GML: variants seen among roughly 807,000 people sequenced by gnomAD.
The protein encoded by GML is glycosylphosphatidylinositol anchored molecule like.
Under a neutral mutation model 8.2 loss-of-function variants are expected in GML, and 5 were observed. The ratio of observed to expected loss-of-function variants is 0.61; its 90% CI spans 0.32 to 1.28. GML has a LOEUF of 1.28. GML is among the 50% of genes most tolerant of loss of function. The pLI, the probability that GML is intolerant of heterozygous loss-of-function variation, is 0.06. For synonymous variants in GML, 72 were observed against 69.0 expected (o/e 1.04, Z -0.22); for missense variants, 191 against 198.3 (o/e 0.96, Z 0.22).
In GML at chr8:142,841,218, C is replaced by T; in HGVS notation, c.174C>T (p.Ile58=). ...ATCATATTAGGCGCTGTATGACAATCTCCATTCGTAAGTACCTCTTTGTCA... is the reference window on the plus strand; with the variant it reads ...ATCATATTAGGCGCTGTATGACAATTTCCATTCGTAAGTACCTCTTTGTCA... The part of the protein sequence containing the change: ...CPYHIRRCMT[I]SIRINSRELL... Residue 58 remains isoleucine, a synonymous_variant, in exon 3 of 4, where the codon ATC becomes ATT. Coordinates refer to ENST00000220940, the MANE Select transcript of GML (RefSeq NM_002066.3). 6.9e-7 allele frequency: 1 copy of T among 1,441,760 alleles called. No individual in the cohort carries two copies. Among genetic ancestry groups the T allele is most frequent in the Non-Finnish European group, 9.8e-7 (1 of 1,023,882 alleles). 89.3% of individuals were successfully genotyped at this position (1,441,760 alleles called of 1,614,324 possible). A position where few individuals can be genotyped will look rare whatever the true frequency, so the allele number is the denominator to read the frequency against.
intron 1 of GML, among the ~76,000 whole-genome samples, chr8:142,836,991 A>G (rs1563857711): frequency 1.3e-5 from 2 of 152,198 alleles, no homozygotes; most frequent in Non-Finnish European, 2.9e-5. Flanking sequence ...AGTATGTCCA[A>G]AGAACAAAGA....
At position 142,846,481 on chromosome 8, in the gene GML, C is replaced by T. The variant is rs747875803; in HGVS notation, c.268C>T (p.Pro90Ser). Residue 90 changes from proline (P) to serine (S), a missense_variant, in exon 4 of 4, where the codon CCA becomes TCA. Physicochemically the swap from Pro to Ser is moderately conservative, Grantham distance 74. Coordinates refer to ENST00000220940, the MANE Select transcript of GML (RefSeq NM_002066.3). ...VYAAEQPPEA[P>S]GKIFKTNSFY... ...TGCAGCTGAACAGCCTCCTGAAGCC[C>T]CAGGAAAAATCTTCAAAACTAATAG... 4 of 1,612,722 alleles carry T rather than the reference C, an allele frequency of 2.5e-6. No individual in the cohort carries two copies. In the African/African-American group the frequency reaches 4.0e-5, roughly 16 times the overall value.
intron 1 of GML, among the ~76,000 whole-genome samples, chr8:142,840,144 G>A (rs1244334149): frequency 6.6e-6 from 1 of 152,234 alleles, no homozygotes; most frequent in Non-Finnish European, 1.5e-5. Flanking sequence ...GGACCCTTGG[G>A]TGAGCTGCCA....
At chr8:142,839,687 G>A (rs149039909) in intron 1 of GML, among the ~76,000 whole-genome samples, 10 of 152,306 alleles carry the variant, frequency 6.6e-5, no homozygotes, top group Admixed American at 2.6e-4. Context: ...GAGACAGTGC[G>A]TTTGCAGGAG....
chr8:142,839,978 C>T (rs985912097), intron 1 of GML, among the ~76,000 whole-genome samples: 12 of 151,494 alleles, frequency 7.9e-5, no homozygotes, highest in Admixed American at 7.2e-4. Flanking sequence ...CACCTTGGCC[C>T]TCGTGTTGCT....
chr8:142,836,057 C>A (rs891567983), intron 1 of GML, among the ~76,000 whole-genome samples: 4 of 152,236 alleles, frequency 2.6e-5, no homozygotes, highest in Non-Finnish European at 5.9e-5. Context: ...GAGTTGTCAC[C>A]TTTGTGATAA....
chr8:142,843,406 A>T (rs1348045002), intron 3 of GML, among the ~76,000 whole-genome samples: 1 of 152,140 alleles, frequency 6.6e-6, no homozygotes, highest in Non-Finnish European at 1.5e-5. Context: ...GGCAGAGATG[A>T]TTGTAGATGC....
At chr8:142,844,188 G>C (rs1012386150) in intron 3 of GML, among the ~76,000 whole-genome samples, 3 of 152,148 alleles carry the variant, frequency 2.0e-5, no homozygotes, top group African/African-American at 7.2e-5. Flanking sequence ...CTGGTTTCTT[G>C]ATCTCTGACA....
intron 3 of GML, among the ~76,000 whole-genome samples, chr8:142,841,826 A>G (rs767254697): frequency 7.9e-5 from 12 of 152,194 alleles, no homozygotes; most frequent in Non-Finnish European, 1.8e-4. Context: ...GGGTGCAGCC[A>G]GTGTATGCCC....
chr8:142,844,785 C>A (rs1003263689), intron 3 of GML, among the ~76,000 whole-genome samples: 1 of 152,204 alleles, frequency 6.6e-6, no homozygotes, highest in Non-Finnish European at 1.5e-5. Context: ...CTAAAGTGAT[C>A]ATAACAAGTG....
intron 1 of GML, among the ~76,000 whole-genome samples, chr8:142,835,169 CA>C (rs1816315684): frequency 6.6e-6 from 1 of 151,466 alleles, no homozygotes; most frequent in Non-Finnish European, 1.5e-5. Context: ...CAGCTCCTCT[CA>C]GGGGTACTGG....
At chr8:142,837,909 G>A (rs1816365949) in intron 1 of GML, among the ~76,000 whole-genome samples, 2 of 148,698 alleles carry the variant, frequency 1.3e-5, no homozygotes, top group South Asian at 4.3e-4. Flanking sequence ...TTGATCTTTA[G>A]GTACCTGGAG....
rs553135374 is a variant in GML at position 142,838,571 on chromosome 8, C to T, written c.-22-1845C>T. On this transcript the variant is annotated intron_variant, in intron 1 of 3. Coordinates refer to ENST00000220940, the MANE Select transcript of GML (RefSeq NM_002066.3). ...AACTCCAGACTGACTGTTGAGAAAG[C>T]CTCTGGGTAAGGAATTCCTGGGAAA... 1.6e-4 allele frequency among the ~76,000 whole-genome samples: 24 copies of T among 151,870 alleles called. No individual in the cohort carries two copies. In the South Asian group the frequency reaches 4.8e-3, roughly 30 times the overall value.
rs1040235170 is a variant in GML, at chr8:142,835,221, A to ACC, written c.-23+358_-23+359dup. Among the ~76,000 whole-genome samples the ACC allele has an allele frequency of 4.1e-4, 62 of 149,560 alleles. 1 individual carries two copies. The highest frequency in any genetic ancestry group is 1.5e-3 in the African/African-American group (61 of 40,486). Reference sequence around the variant, plus strand: ...CCACTCCCATCAGGGTCCCAGGGAGACCCCCCAACTATGCTCAGGGGTCCC... The same window carrying ACC: ...CCACTCCCATCAGGGTCCCAGGGAGACCCCCCCCAACTATGCTCAGGGGTCCC... On this transcript the variant is annotated intron_variant, in intron 1 of 3. Transcript: ENST00000220940.
In GML at chr8:142,841,215, A is replaced by T. The variant is rs754231308; in HGVS notation, c.171A>T (p.Thr57=). 35 of 1,468,628 alleles carry T rather than the reference A, an allele frequency of 2.4e-5. No individual in the cohort carries two copies. Among genetic ancestry groups the T allele is most frequent in the Non-Finnish European group, 3.2e-5 (34 of 1,048,524 alleles). 91.0% of individuals were successfully genotyped at this position (1,468,628 alleles called of 1,614,324 possible). Reference sequence around the variant, plus strand: ...CGTATCATATTAGGCGCTGTATGACAATCTCCATTCGTAAGTACCTCTTTG... The same window carrying T: ...CGTATCATATTAGGCGCTGTATGACTATCTCCATTCGTAAGTACCTCTTTG... ...VCPYHIRRCM[T]ISIRINSREL... The change falls in exon 3 of 4, where the codon ACA becomes ACT. Residue 57 remains threonine, a synonymous_variant. Coordinates refer to ENST00000220940, the MANE Select transcript of GML (RefSeq NM_002066.3).
At chr8:142,839,576 C>T (rs1816395141) in intron 1 of GML, among the ~76,000 whole-genome samples, 1 of 152,204 alleles carries the variant, frequency 6.6e-6, no homozygotes, top group African/African-American at 2.4e-5. Context: ...AGCAGCTGGG[C>T]CCAGGGAGTT....
chr8:142,836,064 A>C (rs1321208247), intron 1 of GML, among the ~76,000 whole-genome samples: 3 of 152,202 alleles, frequency 2.0e-5, no homozygotes, highest in Non-Finnish European at 4.4e-5. Context: ...CACCTTTGTG[A>C]TAAACTGGTA....
At chr8:142,845,269 G>C (rs1459406034) in intron 3 of GML, among the ~76,000 whole-genome samples, 3 of 152,168 alleles carry the variant, frequency 2.0e-5, no homozygotes, top group Non-Finnish European at 2.9e-5. Context: ...CTTTGGCCTG[G>C]GCTGCTCACA....
chr8:142,841,161 CT>C lies in GML; in HGVS notation c.119del (p.Phe40SerfsTer17), dbSNP rs528509027. ...GCCATGACTGTGCGGTCATAAATGACTTCAACTGTCCCAACATTAGAGTATG... is the reference window on the plus strand; with the variant it reads ...GCCATGACTGTGCGGTCATAAATGACTCAACTGTCCCAACATTAGAGTATG... Reference protein sequence around the residue: ...RCHDCAVINDFNCPNIRVCPY... With the variant: ...RCHDCAVINDXNCPNIRVCPY... On this transcript the variant is annotated frameshift_variant, in exon 3 of 4. Coordinates refer to ENST00000220940, the MANE Select transcript of GML (RefSeq NM_002066.3). LOFTEE classifies it high-confidence loss of function. 8 of 1,592,864 alleles carry C rather than the reference CT, an allele frequency of 5.0e-6. No homozygotes were observed. Among genetic ancestry groups the C allele is most frequent in the Non-Finnish European group, 6.9e-6 (8 of 1,160,760 alleles).
Sources: allele counts gnomAD v4.1 joint callset (sites outside exome capture counted in the v4.1 genomes callset), GRCh38; gene constraint gnomAD v4.1.1; transcripts MANE v1.5; gene names NCBI Gene and HGNC (gene_info 2026-07-23, HGNC 2026-07-21).